RIF1: variants seen among roughly 807,000 people sequenced by gnomAD.
RIF1 encodes replication timing regulatory factor 1.
In RIF1, 45 loss-of-function variants were observed where a neutral mutation model predicts 247.1. The observed-to-expected ratio is 0.18, with a 90% CI of 0.14 to 0.23. The LOEUF (loss-of-function observed/expected upper bound fraction) is 0.23, where lower values mean the gene tolerates loss of function less well. RIF1 is among the 10% of genes least tolerant of loss of function. RIF1 has a pLI of 1.00. For synonymous variants in RIF1, 1,087 were observed against 978.8 expected, an observed-to-expected ratio of 1.11 and a Z score of -2.06; for missense variants, 2,967 against 2,862.5, an observed-to-expected ratio of 1.04 and a Z score of -0.83.
chr2:151,493,158 T>G (rs1354362037), intron 9 of RIF1: 2 of 543,336 alleles, frequency 3.7e-6, no homozygotes, highest in Non-Finnish European at 6.5e-6. Flanking sequence ...ACAGTTAATG[T>G]CTATTTTAGT....
At chr2:151,502,399 A>ACTT (rs1449199403) in intron 11 of RIF1, among the ~76,000 whole-genome samples, 2 of 152,036 alleles carry the variant, frequency 1.3e-5, no homozygotes, top group Non-Finnish European at 2.9e-5. Context: ...AAAAAAAAAA[A>ACTT]ACTTAAAAGC....
At position 151,464,998 on chromosome 2, in the gene RIF1, T is replaced by C; in HGVS notation, c.5478T>C (p.Ser1826=). ...TKSKENTMQE[S]LPSGIVNFRE... ...CAAAAGAAAACACTATGCAAGAATC[T>C]CTTCCTTCTGGAATAGTAAACTTTA... The change falls in exon 30 of 36, where the codon TCT becomes TCC. Residue 1826 remains serine (S), a synonymous_variant. Transcript: ENST00000444746. The C allele has an allele frequency of 1.9e-6, 3 of 1,577,346 alleles. No individual in the cohort carries two copies. The highest frequency in any genetic ancestry group is 2.6e-6 in the Non-Finnish European group (3 of 1,169,460).
At chr2:151,468,608 C>CTCTG (rs761342318) in intron 32 of RIF1, 33 bp from the exon 33 acceptor site, 1 of 1,603,126 alleles carries the variant, frequency 6.2e-7, no homozygotes. Flanking sequence ...GTCAGTTGAC[C>CTCTG]TCTGTGTAAC....
At position 151,464,676 on chromosome 2, in the gene RIF1, A is replaced by G; in HGVS notation, c.5156A>G (p.Gln1719Arg). The change falls in exon 30 of 36, where the codon CAA becomes CGA. Residue 1719 changes from glutamine to arginine, a missense_variant. Coordinates refer to ENST00000444746, the MANE Select transcript of RIF1 (RefSeq NM_018151.5). ...AAAACTTTTCAAACACTTGAATGCC[A>G]ACACAAGAGAAGTAGGAGGGTGAGG... ...SEKTFQTLEC[Q>R]HKRSRRVRRS... 1.2e-6 allele frequency: 2 copies of G among 1,612,858 alleles called. No individual in the cohort carries two copies.
intron 3 of RIF1, among the ~76,000 whole-genome samples, chr2:151,411,694 T>C (rs2152068518): frequency 6.6e-6 from 1 of 152,280 alleles, no homozygotes; most frequent in East Asian, 1.9e-4. Context: ...AGCCACTGTG[T>C]CCAGCCACTT....
In RIF1 at chr2:151,463,793, G is replaced by T; in HGVS notation, c.4273G>T (p.Val1425Leu). ...RRSSRRRSEVVESTTESQDKE... is the reference protein window; with the variant it reads ...RRSSRRRSEVLESTTESQDKE... Reference sequence around the variant, plus strand: ...GTCTTCAAGGCGACGTTCAGAAGTAGTAGAGTCTACCACTGAAAGCCAAGA... The same window carrying T: ...GTCTTCAAGGCGACGTTCAGAAGTATTAGAGTCTACCACTGAAAGCCAAGA... Residue 1425 changes from valine to leucine, a missense_variant, in exon 30 of 36, where the codon GTA becomes TTA. Physicochemically the swap from Val to Leu is conservative, Grantham distance 32. This residue lies in a region of RIF1 where 2,028 missense variants were observed against 1,825.6 expected (regional missense o/e 1.11). Transcript: ENST00000444746. 5 of 1,613,586 alleles carry T rather than the reference G, an allele frequency of 3.1e-6. No homozygotes were observed. The highest frequency in any genetic ancestry group is 4.2e-6 in the Non-Finnish European group (5 of 1,179,896).
At chr2:151,533,530 C>G in the RIF1 span, 1 of 1,550,016 alleles carries the variant, frequency 6.5e-7, no homozygotes, top group South Asian at 1.2e-5. Context: ...CATCTTGGCA[C>G]TAGATTTATA....
chr2:151,415,125 A>G (rs992428382), intron 4 of RIF1, among the ~76,000 whole-genome samples: 1 of 152,016 alleles, frequency 6.6e-6, no homozygotes, highest in Admixed American at 6.6e-5. Context: ...AGGCGGGTGG[A>G]TCATGAGGTC....
chr2:151,410,125 C>G (rs918573119), intron 1 of RIF1, 92 bp downstream of exon 1: 12 of 684,986 alleles, frequency 1.8e-5, no homozygotes, highest in Middle Eastern at 4.7e-4. Context: ...CCTCGTTCCC[C>G]GGGCTTCTCC....
intron 11 of RIF1, among the ~76,000 whole-genome samples, chr2:151,502,387 TAAAA>T (rs34816284): frequency 6.9e-6 from 1 of 145,452 alleles, no homozygotes; most frequent in Non-Finnish European, 1.5e-5. Context: ...CATCTAAACA[TAAAA>T]AAAAAAAAAC....
chr2:151,415,913 C>A (rs955596295), intron 4 of RIF1, among the ~76,000 whole-genome samples: 1 of 152,144 alleles, frequency 6.6e-6, no homozygotes, highest in African/African-American at 2.4e-5. Context: ...AACATGATTG[C>A]TGTAAAAAGG....
rs1323294904 is a variant in RIF1, at chr2:151,463,996, A to G, written c.4476A>G (p.Glu1492=). The part of the protein sequence containing the change: ...GSNLHEKTLG[E]TSANAETEQN... Reference sequence around the variant, plus strand: ...ATTTACATGAGAAGACTCTTGGGGAAACTAGTGCTAATGCAGAAACTGAAC... The same window carrying G: ...ATTTACATGAGAAGACTCTTGGGGAGACTAGTGCTAATGCAGAAACTGAAC... The change falls in exon 30 of 36, where the codon GAA becomes GAG. Residue 1492 remains glutamate, a synonymous_variant. Transcript: ENST00000444746. 5.0e-6 allele frequency: 8 copies of G among 1,608,158 alleles called. No individual in the cohort carries two copies. The highest frequency in any genetic ancestry group is 3.4e-5 in the Admixed American group (2 of 58,438).
chr2:151,517,638 G>A, the RIF1 span, among the ~76,000 whole-genome samples: 2 of 152,124 alleles, frequency 1.3e-5, no homozygotes, highest in African/African-American at 2.4e-5. Flanking sequence ...TACACACCTA[G>A]GCTATATGGT....
At chr2:151,459,656 A>G (rs1695825909) in intron 25 of RIF1, among the ~76,000 whole-genome samples, 2 of 152,212 alleles carry the variant, frequency 1.3e-5, no homozygotes, top group South Asian at 4.1e-4. Flanking sequence ...TTTAATGTTT[A>G]AAGTTCTATG....
intron 33 of RIF1, 73 bp from the exon 34 acceptor site, chr2:151,469,638 A>G: frequency 9.0e-7 from 1 of 1,114,488 alleles, no homozygotes; most frequent in Non-Finnish European, 1.2e-6. Context: ...GGGAAATTGA[A>G]CTGGATAAAC....
chr2:151,465,596 A>G lies in RIF1; in HGVS notation c.6076A>G (p.Ile2026Val). 6.2e-7 allele frequency: 1 copy of G among 1,613,974 alleles called. No homozygotes were observed. The highest frequency in any genetic ancestry group is 8.5e-7 in the Non-Finnish European group (1 of 1,179,904). ...AATGAAAAATAATGAAGAAATGATG[A>G]TCGGCGAGGCAATGGCTGAAACTGG... ...TKMKNNEEMM[I>V]GEAMAETGHD... Residue 2026 changes from isoleucine (I) to valine (V), a missense_variant, in exon 30 of 36, where the codon ATC becomes GTC. Ile to Val is a conservative substitution (Grantham distance 29). Coordinates refer to ENST00000444746, the MANE Select transcript of RIF1 (RefSeq NM_018151.5).
intron 10 of RIF1, chr2:151,496,199 ATTAATAT>A: frequency 7.2e-7 from 1 of 1,383,872 alleles, no homozygotes; most frequent in Non-Finnish European, 1.0e-6. Context: ...AAAAAGTAGG[ATTAATAT>A]GTATTATTTT....
exon 10 of RIF1, chr2:151,495,233 A>ATTCT (rs1007303124): frequency 2.6e-5 from 4 of 152,200 alleles, no homozygotes; most frequent in African/African-American, 9.7e-5. Flanking sequence ...CCTCAGTGTC[A>ATTCT]TTCTTGGAAA....
intron 4 of RIF1, among the ~76,000 whole-genome samples, chr2:151,415,218 G>A (rs1420843077): frequency 6.6e-6 from 1 of 151,866 alleles, no homozygotes; most frequent in East Asian, 1.9e-4. Context: ...ACCGTGGCGG[G>A]CGCCTGTAGT....
Sources: allele counts gnomAD v4.1 joint callset (sites outside exome capture counted in the v4.1 genomes callset), GRCh38; gene constraint gnomAD v4.1.1; regional missense constraint gnomAD v4.1.1; transcripts MANE v1.5; gene names NCBI Gene and HGNC (gene_info 2026-07-23, HGNC 2026-07-21).